The following IGDCC4 variants were observed in gnomAD, a reference collection of about 807,000 sequenced individuals.
The protein encoded by IGDCC4 is immunoglobulin superfamily DCC subclass member 4.
In IGDCC4, 72 loss-of-function variants were observed where a neutral mutation model predicts 116.6. That is an observed-to-expected ratio of 0.62 (90% CI 0.51 to 0.75). IGDCC4 has a LOEUF of 0.75. IGDCC4 is among the 30% of genes least tolerant of loss of function. The probability of loss-of-function intolerance (pLI) is 0.00; values close to 1 mark genes in which losing one functional copy is unlikely to be tolerated. For missense variants in IGDCC4, 1,501 were observed against 1,662.4 expected, an observed-to-expected ratio of 0.90 and a Z score of 1.69; for synonymous variants, 709 against 719.9, an observed-to-expected ratio of 0.98 and a Z score of 0.24.
intron 9 of IGDCC4, among the ~76,000 whole-genome samples, chr15:65,394,147 A>G (rs2062895254): frequency 6.6e-6 from 1 of 152,126 alleles, no homozygotes; most frequent in South Asian, 2.1e-4. Context: ...AAGGAAACTG[A>G]GGCAGGGACT....
At chr15:65,396,797 A>T in intron 6 of IGDCC4, 37 bp downstream of exon 6, 2 of 1,548,306 alleles carry the variant, frequency 1.3e-6, no homozygotes, top group Non-Finnish European at 1.7e-6. Context: ...CCCCAGCCCC[A>T]GCTAACCCGC....
intron 17 of IGDCC4, 109 bp downstream of exon 17, chr15:65,386,442 G>T: frequency 1.1e-6 from 1 of 902,528 alleles, no homozygotes; most frequent in Non-Finnish European, 1.8e-6. Context: ...CTTTAACGGG[G>T]CTCCTGGGAG....
chr15:65,393,404 C>A lies in IGDCC4; in HGVS notation c.1842G>T (p.Gln614His). ...TACTGGGCGTCCTGTGATGCATCCA[C>A]TGGGAGGGGGCCCCGAAGCCGGCTG... is the stretch of plus-strand genomic sequence containing the variant. ...GTAAGFGAPSQWMHHRTPSMH... is the reference protein window; with the variant it reads ...GTAAGFGAPSHWMHHRTPSMH... Residue 614 changes from glutamine (Q) to histidine (H), a missense_variant, in exon 10 of 20, where the codon CAG (glutamine) becomes CAT (histidine). Coordinates refer to ENST00000352385, the MANE Select transcript of IGDCC4 (RefSeq NM_020962.3). The surrounding 1 kb of genome is among the most constrained non-coding windows in gnomAD (Gnocchi z 4.6). 1 of 1,613,630 alleles carries A rather than the reference C, an allele frequency of 6.2e-7. No individual in the cohort carries two copies. Among genetic ancestry groups the A allele is most frequent in the Non-Finnish European group, 8.5e-7 (1 of 1,179,772 alleles).
chr15:65,414,041 TC>T (rs1442397292), intron 1 of IGDCC4, among the ~76,000 whole-genome samples: 1 of 152,182 alleles, frequency 6.6e-6, no homozygotes, highest in Non-Finnish European at 1.5e-5. Flanking sequence ...AGCTCTGCAC[TC>T]CTAAACACAT....
chr15:65,385,920 G>A lies in IGDCC4; in HGVS notation c.3091C>T (p.Pro1031Ser). Residue 1031 changes from proline (P) to serine (S), a missense_variant, in exon 18 of 20, where the codon CCG becomes TCG. Pro to Ser is a moderately conservative substitution (Grantham distance 74). This residue lies in a region of IGDCC4 where 368 missense variants were observed against 355.6 expected (regional missense o/e 1.03). Transcript: ENST00000352385. ...CTGTCCTCCACGTCTGAGGGTGGCG[G>A]GGACCAGTCCTGGGGATGGGGGTGC... is the stretch of plus-strand genomic sequence containing the variant. ...LVHPHPQDWS[P>S]PPSDVEDRAE... 2 of 1,612,580 alleles carry A rather than the reference G, an allele frequency of 1.2e-6. No homozygotes were observed. The highest frequency in any genetic ancestry group is 1.7e-6 in the Non-Finnish European group (2 of 1,179,976).
chr15:65,403,331 ACATT>A (rs1446569486), intron 3 of IGDCC4, among the ~76,000 whole-genome samples: 1 of 152,166 alleles, frequency 6.6e-6, no homozygotes, highest in Non-Finnish European at 1.5e-5. Flanking sequence ...GCTTGCGTAT[ACATT>A]CAATGTTCCT....
chr15:65,388,042 G>A (rs183920633), intron 16 of IGDCC4, among the ~76,000 whole-genome samples: 1 of 152,244 alleles, frequency 6.6e-6, no homozygotes, highest in Admixed American at 6.5e-5. Context: ...TCAGGAGTTT[G>A]AGACCAGCCT....
At chr15:65,414,330 C>T (rs931642701) in intron 1 of IGDCC4, among the ~76,000 whole-genome samples, 1 of 152,224 alleles carries the variant, frequency 6.6e-6, no homozygotes, top group South Asian at 2.1e-4. Flanking sequence ...CTCAGCAGTA[C>T]TCGCGGGCTC....
At chr15:65,403,916 T>G (rs1198041515) in intron 3 of IGDCC4, among the ~76,000 whole-genome samples, 1 of 149,996 alleles carries the variant, frequency 6.7e-6, no homozygotes, top group African/African-American at 2.5e-5. Flanking sequence ...AAGGAGGGGG[T>G]GAATGGGTCC....
chr15:65,416,136 CTTTTTTTTTTTTT>C (rs60072640), intron 1 of IGDCC4, among the ~76,000 whole-genome samples: 1 of 77,608 alleles, frequency 1.3e-5, no homozygotes. Flanking sequence ...AATGTTTTGA[CTTTTTTTTTTTTT>C]TTTTTTTTTT....
intron 3 of IGDCC4, among the ~76,000 whole-genome samples, chr15:65,406,279 A>T (rs1595789531): frequency 6.6e-6 from 1 of 152,228 alleles, no homozygotes; most frequent in Non-Finnish European, 1.5e-5. Flanking sequence ...AAATGTGTTC[A>T]AGTTACGAAA....
chr15:65,412,921 A>ATCTCTC (rs372790909), intron 1 of IGDCC4, among the ~76,000 whole-genome samples: 2 of 145,232 alleles, frequency 1.4e-5, no homozygotes, highest in African/African-American at 2.6e-5. Flanking sequence ...ACATATATAG[A>ATCTCTC]TCTCTCTCTC....
At position 65,383,885 on chromosome 15, in the gene IGDCC4, C is replaced by A; in HGVS notation, c.*124G>T. The stretch of plus-strand genomic sequence containing the variant: ...TTTCCTCTCCCCTCAGCCAAAGCAA[C>A]TTAGGAAGCTCCAAAGGGCTTGATG... On this transcript the variant is annotated 3_prime_UTR_variant, in exon 20 of 20. Coordinates refer to ENST00000352385, the MANE Select transcript of IGDCC4 (RefSeq NM_020962.3). 2.2e-6 allele frequency: 2 copies of A among 923,208 alleles called. No individual in the cohort carries two copies. Among genetic ancestry groups the A allele is most frequent in the Non-Finnish European group, 3.1e-6 (2 of 642,862 alleles). 57.2% of individuals were successfully genotyped at this position (923,208 alleles called of 1,614,324 possible).
chr15:65,395,354 CTATT>C (rs1179881311), intron 7 of IGDCC4, 96 bp from the exon 8 acceptor site: 1 of 1,216,650 alleles, frequency 8.2e-7, no homozygotes, highest in Non-Finnish European at 1.1e-6. Flanking sequence ...GTCCTGGTGT[CTATT>C]TATAGCTAAA....
rs1595774539 is a variant in IGDCC4 at position 65,385,818 on chromosome 15, G to T, written c.3180+13C>A. ...TATTTAGAAAAGAGCCGCAATGTGGGGCTCTGACTTACCTTTCTTTTGGAG... is the reference window on the plus strand; with the variant it reads ...TATTTAGAAAAGAGCCGCAATGTGGTGCTCTGACTTACCTTTCTTTTGGAG... On this transcript the variant is annotated intron_variant, in intron 18 of 19. Transcript: ENST00000352385. 4 of 1,602,036 alleles carry T rather than the reference G, an allele frequency of 2.5e-6. No homozygotes were observed. In the East Asian group the frequency reaches 8.9e-5, roughly 36 times the overall value.
At chr15:65,387,849 C>A (rs1168790430) in intron 16 of IGDCC4, among the ~76,000 whole-genome samples, 3 of 152,086 alleles carry the variant, frequency 2.0e-5, no homozygotes, top group Admixed American at 2.0e-4. Context: ...GTGGCTCACA[C>A]CTGTAATCCC....
At position 65,395,898 on chromosome 15, in the gene IGDCC4, G is replaced by T. The variant is rs145183412; in HGVS notation, c.1263C>A (p.Ala421=). ...AGMACAAASL[A]VVVREGLPSA... Reference sequence around the variant, plus strand: ...TGGGCAGCCCCTCGCGCACCACCACGGCCAGCGACGCGGCAGCGCACGCCA... The same window carrying T: ...TGGGCAGCCCCTCGCGCACCACCACTGCCAGCGACGCGGCAGCGCACGCCA... The change falls in exon 7 of 20, where the codon GCC becomes GCA. Residue 421 remains alanine (A), a synonymous_variant. Coordinates refer to ENST00000352385, the MANE Select transcript of IGDCC4 (RefSeq NM_020962.3). The T allele has an allele frequency of 2.1e-3, 3,276 of 1,589,796 alleles. 6 individuals are homozygous for T. Among genetic ancestry groups the T allele is most frequent in the Non-Finnish European group, 2.5e-3 (2,928 of 1,175,042 alleles).
At chr15:65,392,520 C>T in intron 10 of IGDCC4, 150 bp from the exon 11 acceptor site, 1 of 616,126 alleles carries the variant, frequency 1.6e-6, no homozygotes, top group Non-Finnish European at 2.7e-6. Context: ...TCTCCCAACA[C>T]ATCACCACTC....
Position 65,395,767 on chromosome 15 carries a change from T to C in IGDCC4, c.1394A>G (p.His465Arg). ...CGACGTACCCCGTGCCTTCTGGTAG[T>C]GGAGAGAGAAGCCGATGATCTGCTC... ...HSEQIIGFSL[H>R]YQKARGMDNV... The change falls in exon 7 of 20, where the codon CAC (histidine) becomes CGC (arginine). Residue 465 changes from histidine (H) to arginine (R), a missense_variant. Coordinates refer to ENST00000352385, the MANE Select transcript of IGDCC4 (RefSeq NM_020962.3). 3 of 1,447,522 alleles carry C rather than the reference T, an allele frequency of 2.1e-6. No individual in the cohort carries two copies. The highest frequency in any genetic ancestry group is 2.7e-6 in the Non-Finnish European group (3 of 1,091,624). The allele number at this position is 1,447,522 out of a possible 1,614,324, so 89.7% of individuals were successfully genotyped here.
Sources: gnomAD v4.1 joint callset for allele counts (sites outside exome capture counted in the v4.1 genomes callset) on GRCh38, gnomAD v4.1.1 for gene constraint, gnomAD v4.1.1 regional missense constraint, Gnocchi (gnomAD v3.1) non-coding constraint, MANE v1.5 for transcripts, NCBI Gene and HGNC (gene_info 2026-07-23, HGNC 2026-07-21) for gene names.